FGF12: variants seen among roughly 807,000 people sequenced by gnomAD.
FGF12 encodes the protein fibroblast growth factor 12B.
A neutral mutation model predicts 23.6 loss-of-function variants in FGF12; 14 were observed. That is an observed-to-expected ratio of 0.59 (90% CI 0.39 to 0.93). FGF12 has a LOEUF of 0.93. Among genes scored for constraint, FGF12 ranks in the 40% least tolerant of loss-of-function variants. FGF12 has a pLI of 0.00. For synonymous variants in FGF12, 62 were observed against 77.3 expected, an observed-to-expected ratio of 0.80 and a Z score of 1.04; for missense variants, 175 against 217.8, an observed-to-expected ratio of 0.80 and a Z score of 1.24.
intron 4 of FGF12, among the ~76,000 whole-genome samples, chr3:192,193,580 A>G (rs1247039473): frequency 6.6e-6 from 1 of 152,188 alleles, no homozygotes; most frequent in Non-Finnish European, 1.5e-5. Flanking sequence ...TCTCTTGAAG[A>G]TTAATGATTA....
intron 2 of FGF12, among the ~76,000 whole-genome samples, chr3:192,719,382 T>C (rs1351918595): frequency 1.3e-5 from 2 of 152,198 alleles, no homozygotes; most frequent in African/African-American, 4.8e-5. Context: ...TTTACGTTAT[T>C]GTTATTGAGG....
intron 4 of FGF12, among the ~76,000 whole-genome samples, chr3:192,299,965 G>A (rs914635033): frequency 1.3e-5 from 2 of 152,138 alleles, no homozygotes; most frequent in Non-Finnish European, 2.9e-5. Flanking sequence ...GCTGCCTCAG[G>A]TATTTATGCA....
At chr3:192,249,835 T>C (rs1314197161) in intron 4 of FGF12, among the ~76,000 whole-genome samples, 1 of 152,164 alleles carries the variant, frequency 6.6e-6, no homozygotes, top group Non-Finnish European at 1.5e-5. Context: ...TCACATTCTA[T>C]CAGTTTTTAT....
intron 3 of FGF12, among the ~76,000 whole-genome samples, chr3:192,348,230 T>C (rs1222492686): frequency 1.3e-5 from 2 of 152,148 alleles, no homozygotes; most frequent in Admixed American, 6.5e-5. Flanking sequence ...TAGGTATGTG[T>C]TCCAGATTCG....
chr3:192,696,489 G>A (rs1577126997), intron 2 of FGF12, among the ~76,000 whole-genome samples: 1 of 152,116 alleles, frequency 6.6e-6, no homozygotes, highest in Non-Finnish European at 1.5e-5. Flanking sequence ...AAAAAGGGTT[G>A]TTTTTCTTTC....
intron 4 of FGF12, among the ~76,000 whole-genome samples, chr3:192,280,539 C>T (rs1714083188): frequency 6.6e-6 from 1 of 152,086 alleles, no homozygotes; most frequent in African/African-American, 2.4e-5. Flanking sequence ...AGTCGCTGAG[C>T]AGAAATTTTT....
At chr3:192,479,784 A>G (rs1286256380) in intron 2 of FGF12, among the ~76,000 whole-genome samples, 3 of 152,204 alleles carry the variant, frequency 2.0e-5, no homozygotes, top group African/African-American at 7.2e-5. Context: ...CCCATCCCCT[A>G]GAATATTAAG....
rs1277865453 is a variant in FGF12, at chr3:192,408,106, G to A, written c.14-47568C>T. 1 of 1,613,240 alleles carries A rather than the reference G, an allele frequency of 6.2e-7. No individual in the cohort carries two copies. The highest frequency in any genetic ancestry group is 8.5e-7 in the Non-Finnish European group (1 of 1,180,020). ...ACCCCGAGGACGTGCCTCTCGCACA[G>A]GGAGCGCCCGTCTTTGCTGGGGCTG... On this transcript the variant is annotated intron_variant, in intron 2 of 5. Transcript: ENST00000445105. This position sits in a 1 kb window ranked among gnomAD's most constrained non-coding sequence, Gnocchi z 7.3.
intron 2 of FGF12, among the ~76,000 whole-genome samples, chr3:192,495,555 A>T (rs1723930891): frequency 1.3e-5 from 2 of 152,216 alleles, no homozygotes; most frequent in Non-Finnish European, 2.9e-5. Context: ...TGTAAACTCA[A>T]GGAAAGAATT....
intron 4 of FGF12, among the ~76,000 whole-genome samples, chr3:192,316,854 A>G (rs1304935109): frequency 6.6e-6 from 1 of 152,158 alleles, no homozygotes; most frequent in Non-Finnish European, 1.5e-5. Flanking sequence ...CTGCTTAAGG[A>G]AAGAACAGGG....
intron 2 of FGF12, among the ~76,000 whole-genome samples, chr3:192,400,529 G>A (rs986022305): frequency 2.6e-5 from 4 of 151,706 alleles, no homozygotes; most frequent in Non-Finnish European, 4.4e-5. Context: ...CCACCACACT[G>A]AGCTAATTTT....
At chr3:192,489,589 G>A (rs1445385312) in intron 2 of FGF12, among the ~76,000 whole-genome samples, 1 of 152,092 alleles carries the variant, frequency 6.6e-6, no homozygotes, top group African/African-American at 2.4e-5. Context: ...GACTTGGGAA[G>A]AAGCCTTTGC....
intron 2 of FGF12, among the ~76,000 whole-genome samples, chr3:192,467,009 A>T (rs777531207): frequency 2.6e-5 from 4 of 152,212 alleles, no homozygotes; most frequent in Non-Finnish European, 5.9e-5. Flanking sequence ...TTGTTGGAAG[A>T]TGATACAAAC....
chr3:192,515,546 C>G (rs1724642235), intron 2 of FGF12: 1 of 152,422 alleles, frequency 6.6e-6, no homozygotes, highest in African/African-American at 2.4e-5. Flanking sequence ...CCCCGTCAAT[C>G]TGGGTGGGGA....
chr3:192,407,648 G>A (rs974970638), intron 2 of FGF12, among the ~76,000 whole-genome samples: 2 of 152,128 alleles, frequency 1.3e-5, no homozygotes, highest in African/African-American at 4.8e-5. Context: ...CAGACGGATG[G>A]ATGCATGGAC....
intron 4 of FGF12, among the ~76,000 whole-genome samples, chr3:192,277,407 A>C (rs539689055): frequency 6.6e-6 from 1 of 152,210 alleles, no homozygotes; most frequent in African/African-American, 2.4e-5. Flanking sequence ...GTCCATATGC[A>C]TAACTGCTGT....
At chr3:192,407,626 T>G (rs1721014539) in intron 2 of FGF12, among the ~76,000 whole-genome samples, 1 of 152,120 alleles carries the variant, frequency 6.6e-6, no homozygotes, top group African/African-American at 2.4e-5. Flanking sequence ...GCAGCGTAAG[T>G]ACTGTACTCT....
chr3:192,510,894 C>A (rs1351598353), intron 2 of FGF12, among the ~76,000 whole-genome samples: 1 of 152,160 alleles, frequency 6.6e-6, no homozygotes, highest in Non-Finnish European at 1.5e-5. Context: ...CTATATTATT[C>A]CAACCATATG....
chr3:192,330,200 T>C (rs896597959), intron 4 of FGF12, among the ~76,000 whole-genome samples: 4 of 152,122 alleles, frequency 2.6e-5, no homozygotes, highest in Non-Finnish European at 5.9e-5. Context: ...CTCAATGTCG[T>C]TTTTTGCACT....
Sources: allele counts gnomAD v4.1 joint callset (sites outside exome capture counted in the v4.1 genomes callset), GRCh38; gene constraint gnomAD v4.1.1; non-coding constraint Gnocchi (gnomAD v3.1); transcripts MANE v1.5; gene names NCBI Gene and HGNC (gene_info 2026-07-23, HGNC 2026-07-21).